PSMF1: variants seen among roughly 807,000 people sequenced by gnomAD.
PSMF1 encodes proteasome inhibitor PI31 subunit.
In PSMF1, 30 loss-of-function variants were observed where a neutral mutation model predicts 29.3. That is an observed-to-expected ratio of 1.02 (90% CI 0.77 to 1.39). PSMF1 has a LOEUF of 1.39. Among genes scored for constraint, PSMF1 ranks in the 40% most tolerant of loss-of-function variants. The probability of loss-of-function intolerance (pLI) is 0.00; values close to 1 mark genes in which losing one functional copy is unlikely to be tolerated. For synonymous variants in PSMF1, 134 were observed against 139.7 expected, an observed-to-expected ratio of 0.96 and a Z score of 0.29; for missense variants, 344 against 357.5, an observed-to-expected ratio of 0.96 and a Z score of 0.31.
chr20:1,114,332 C>T (rs1413894069), upstream of PSMF1, among the ~76,000 whole-genome samples: 1 of 152,160 alleles, frequency 6.6e-6, no homozygotes, highest in Non-Finnish European at 1.5e-5. Context: ...TTCCCTACTC[C>T]ACTGCCCCCA....
Position 1,163,173 on chromosome 20 carries a change from G to A in PSMF1, c.595G>A (p.Asp199Asn). Reference protein sequence around the residue: ...GPFVVGGEDLDPFGPRRGGMI... With the variant: ...GPFVVGGEDLNPFGPRRGGMI... The stretch of plus-strand genomic sequence containing the variant: ...GTTTGTTGTCGGGGGAGAAGACTTA[G>A]ACCCTTTTGGGTGAGTACTGCTGGG... The change falls in exon 5 of 7, where the codon GAC (aspartate) becomes AAC (asparagine). Residue 199 changes from aspartate to asparagine, a missense_variant. Transcript: ENST00000335877. The surrounding 1 kb of genome is among the most constrained non-coding windows in gnomAD (Gnocchi z 6.1). The A allele has an allele frequency of 6.2e-7, 1 of 1,614,172 alleles. No individual in the cohort carries two copies. Among genetic ancestry groups the A allele is most frequent in the South Asian group, 1.1e-5 (1 of 91,068 alleles).
chr20:1,166,100 G>T lies in PSMF1; in HGVS notation c.*1020G>T. 2.0e-6 allele frequency: 3 copies of T among 1,536,144 alleles called. No individual in the cohort carries two copies. The highest frequency in any genetic ancestry group is 1.8e-6 in the Non-Finnish European group (2 of 1,137,134). ...AACTCTGTGGTTTTTGGACCCCATG[G>T]GGCCCAGACAGAGCACAGGAGCATG... On this transcript the variant is annotated 3_prime_UTR_variant, in exon 7 of 7. Transcript: ENST00000335877.
At chr20:1,118,088 A>G (rs1047036648), upstream of PSMF1, 3 of 152,222 alleles carry the variant, frequency 2.0e-5, no homozygotes, top group Non-Finnish European at 4.4e-5. Context: ...AACACTTAAT[A>G]AATGTTATCT....
intron 1 of PSMF1, among the ~76,000 whole-genome samples, chr20:1,119,255 A>T (rs1424133875): frequency 1.3e-5 from 2 of 152,036 alleles, no homozygotes; most frequent in Non-Finnish European, 2.9e-5. Flanking sequence ...CACCCACCTG[A>T]TCCCGTCTGA....
rs758812434 is a variant in PSMF1, at chr20:1,164,467, G to A, written c.755G>A (p.Ser252Asn). The change falls in exon 6 of 7, where the codon AGC (serine) becomes AAC (asparagine). Residue 252 changes from serine to asparagine, a missense_variant. Physicochemically the swap from Ser to Asn is conservative, Grantham distance 46 (BLOSUM62 1). Transcript: ENST00000335877. This position sits in a 1 kb window ranked among gnomAD's most constrained non-coding sequence, Gnocchi z 4.1. ...RFDPFGPIGTSPPGPNPDHLP... is the reference protein window; with the variant it reads ...RFDPFGPIGTNPPGPNPDHLP... ...GACCCCTTTGGACCCATTGGGACCA[G>A]CCCACCCGGGTACGTAGTCACTCAG... 31 of 1,614,008 alleles carry A rather than the reference G, an allele frequency of 1.9e-5. No individual in the cohort carries two copies. The highest frequency in any genetic ancestry group is 5.1e-6 in the Non-Finnish European group (6 of 1,180,012).
chr20:1,145,491 A>G (rs2086438559), intron 4 of PSMF1, among the ~76,000 whole-genome samples: 1 of 152,192 alleles, frequency 6.6e-6, no homozygotes, highest in Non-Finnish European at 1.5e-5. Context: ...TTAGCCAGAC[A>G]GAGAGTAGGG....
At chr20:1,135,406 G>A in intron 4 of PSMF1, 100 bp downstream of exon 4, 1 of 1,259,264 alleles carries the variant, frequency 7.9e-7, no homozygotes, top group Non-Finnish European at 1.1e-6. Context: ...GCCCGTATGT[G>A]TTTTCAACAA....
At chr20:1,157,273 C>G (rs2086605776) in intron 4 of PSMF1, among the ~76,000 whole-genome samples, 1 of 152,242 alleles carries the variant, frequency 6.6e-6, no homozygotes, top group Non-Finnish European at 1.5e-5. Context: ...CTCACAGACA[C>G]ACCCAGGATC....
At chr20:1,156,476 T>G (rs778069791) in intron 4 of PSMF1, among the ~76,000 whole-genome samples, 1 of 152,058 alleles carries the variant, frequency 6.6e-6, no homozygotes, top group African/African-American at 2.4e-5. Flanking sequence ...ATCAAACTGC[T>G]GAAAAGATTA....
chr20:1,160,088 G>T (rs1043331513), intron 4 of PSMF1, among the ~76,000 whole-genome samples: 1 of 151,650 alleles, frequency 6.6e-6, no homozygotes, highest in East Asian at 1.9e-4. Flanking sequence ...TATGCATTAC[G>T]GAAAAAACAG....
At chr20:1,159,464 C>G (rs1568482298) in intron 4 of PSMF1, among the ~76,000 whole-genome samples, 1 of 152,192 alleles carries the variant, frequency 6.6e-6, no homozygotes, top group Non-Finnish European at 1.5e-5. Context: ...GCCTGGCCTG[C>G]AACTGCCTTT....
intron 4 of PSMF1, among the ~76,000 whole-genome samples, chr20:1,155,704 C>T (rs2086586470): frequency 6.6e-6 from 1 of 152,172 alleles, no homozygotes; most frequent in South Asian, 2.1e-4. Context: ...CTTCAGGTCC[C>T]AGACTGACAA....
In PSMF1 at chr20:1,164,953, A is replaced by C; in HGVS notation, c.765-76A>C. On this transcript the variant is annotated intron_variant, in intron 6 of 6. Transcript: ENST00000335877. The surrounding 1 kb of genome is among the most constrained non-coding windows in gnomAD (Gnocchi z 4.1). ...ATCATGTTGAAGGGCAGGCTCCCTC[A>C]GTGCAGGGTCATGTCTGCCCATGTT... 2.4e-6 allele frequency: 3 copies of C among 1,257,270 alleles called. No homozygotes were observed. Among genetic ancestry groups the C allele is most frequent in the Non-Finnish European group, 3.5e-6 (3 of 859,452 alleles). 77.9% of individuals were successfully genotyped at this position (1,257,270 alleles called of 1,614,324 possible).
intron 4 of PSMF1, among the ~76,000 whole-genome samples, chr20:1,137,756 T>G (rs6040066): frequency 0.8 from 121,875 of 152,102 alleles, 49,248 homozygotes; most frequent in Non-Finnish European, 0.83. Flanking sequence ...ATTTGAGCAT[T>G]GACCAGGTAT....
At chr20:1,155,664 CT>C (rs2086585971) in intron 4 of PSMF1, among the ~76,000 whole-genome samples, 1 of 152,190 alleles carries the variant, frequency 6.6e-6, no homozygotes, top group Non-Finnish European at 1.5e-5. Flanking sequence ...ATATCAAAGA[CT>C]TTAGAATATA....
intron 3 of PSMF1, among the ~76,000 whole-genome samples, chr20:1,128,644 A>G (rs143333156): frequency 7.9e-4 from 120 of 152,326 alleles, no homozygotes; most frequent in Non-Finnish European, 1.3e-3. Context: ...TCTGTTTTAT[A>G]TATAGTTAAG....
At chr20:1,130,745 G>A (rs1283167200) in intron 3 of PSMF1, among the ~76,000 whole-genome samples, 1 of 152,182 alleles carries the variant, frequency 6.6e-6, no homozygotes, top group African/African-American at 2.4e-5. Context: ...CTGGGCTCAA[G>A]TGACCCTCCC....
rs773678648 is a variant in PSMF1 at position 1,118,839 on chromosome 20, C to A, written c.66C>A (p.Leu22=). Residue 22 remains leucine, a synonymous_variant, in exon 1 of 7, where the codon CTC becomes CTA. Transcript: ENST00000335877. Reference sequence around the variant, plus strand: ...CCATCACCTGCAGGCAGGACGCGCTCGTCTGCTTCTTGCATTGGGAAGTGG... The same window carrying A: ...CCATCACCTGCAGGCAGGACGCGCTAGTCTGCTTCTTGCATTGGGAAGTGG... ...APAITCRQDA[L]VCFLHWEVVT... 6.2e-6 allele frequency: 10 copies of A among 1,613,692 alleles called. No homozygotes were observed. In the South Asian group the frequency reaches 1.1e-4, roughly 18 times the overall value.
intron 4 of PSMF1, among the ~76,000 whole-genome samples, chr20:1,157,656 G>A (rs746189370): frequency 2.1e-4 from 32 of 152,060 alleles, no homozygotes; most frequent in Non-Finnish European, 3.4e-4. Flanking sequence ...TACAGTCCTC[G>A]TTTCTGCAGC....
Sources: gnomAD v4.1 joint callset for allele counts (sites outside exome capture counted in the v4.1 genomes callset) on GRCh38, gnomAD v4.1.1 for gene constraint, Gnocchi (gnomAD v3.1) non-coding constraint, MANE v1.5 for transcripts, NCBI Gene and HGNC (gene_info 2026-07-23, HGNC 2026-07-21) for gene names.